The following ZNF804B variants were observed in gnomAD, a reference collection of about 807,000 sequenced individuals.
ZNF804B encodes the protein zinc finger 804B.
ZNF804B carries 80 observed loss-of-function variants against 101.4 expected under a neutral mutation model. The ratio of observed to expected loss-of-function variants is 0.79; its 90% CI spans 0.66 to 0.95. The LOEUF is 0.95. Among genes scored for constraint, ZNF804B ranks in the 40% least tolerant of loss-of-function variants. The pLI is 0.00. For synonymous variants in ZNF804B, 622 were observed against 558.8 expected (o/e 1.11, Z -1.59); for missense variants, 1,673 against 1,561.9 (o/e 1.07, Z -1.20).
chr7:89,059,448 GA>G (rs1789343206), intron 1 of ZNF804B, among the ~76,000 whole-genome samples: 1 of 152,050 alleles, frequency 6.6e-6, no homozygotes. Flanking sequence ...GCCAGAGAGA[GA>G]AAAGGAGGAG....
chr7:89,034,974 T>C (rs1788903070), intron 1 of ZNF804B, among the ~76,000 whole-genome samples: 1 of 152,168 alleles, frequency 6.6e-6, no homozygotes, highest in Non-Finnish European at 1.5e-5. Flanking sequence ...CTAAGATCTA[T>C]TGAGGAAACT....
chr7:89,000,337 T>A lies in ZNF804B; in HGVS notation c.109-217818T>A, dbSNP rs987281251. Among the ~76,000 whole-genome samples the A allele has an allele frequency of 7.2e-5, 11 of 152,010 alleles. No homozygotes were observed. In the Admixed American group the frequency reaches 7.2e-4, roughly 10 times the overall value. Reference sequence around the variant, plus strand: ...TTTATAATTATGACTGATTCACATATAATCTGCAGCAATAACAAATCATTA... The same window carrying A: ...TTTATAATTATGACTGATTCACATAAAATCTGCAGCAATAACAAATCATTA... On this transcript the variant is annotated intron_variant, in intron 1 of 3. Transcript: ENST00000333190.
chr7:88,803,712 A>G (rs1043486120), intron 1 of ZNF804B, among the ~76,000 whole-genome samples: 1 of 151,558 alleles, frequency 6.6e-6, no homozygotes, highest in African/African-American at 2.4e-5. Context: ...ATTATCTTGA[A>G]GTGGAGTGGC....
chr7:88,980,071 T>C (rs1369950395), intron 1 of ZNF804B, among the ~76,000 whole-genome samples: 1 of 151,912 alleles, frequency 6.6e-6, no homozygotes, highest in Non-Finnish European at 1.5e-5. Flanking sequence ...GATTCTTTTT[T>C]TTTTATTATT....
At position 89,177,504 on chromosome 7, in the gene ZNF804B, T is replaced by C. The variant is rs370630798; in HGVS notation, c.109-40651T>C. ...GATGTGATTTCCATTTTTTCGAATG[T>C]TTTAATGCTCGTTTTGTGGCCAAAT... is the stretch of plus-strand genomic sequence containing the variant. On this transcript the variant is annotated intron_variant, in intron 1 of 3. Transcript: ENST00000333190. Among the ~76,000 whole-genome samples, 19 of 152,320 alleles carry C rather than the reference T, an allele frequency of 1.2e-4. No homozygotes were observed. The East Asian group carries it at 3.1e-3, about 25-fold the overall frequency.
chr7:88,967,718 A>C (rs1377078258), intron 1 of ZNF804B, among the ~76,000 whole-genome samples: 7 of 16,912 alleles, frequency 4.1e-4, no homozygotes, highest in African/African-American at 3.6e-3. Flanking sequence ...TGAAAAAGCA[A>C]AAAAAAAAAA....
At chr7:88,922,776 G>A (rs928571271) in intron 1 of ZNF804B, among the ~76,000 whole-genome samples, 1 of 151,724 alleles carries the variant, frequency 6.6e-6, no homozygotes, top group Non-Finnish European at 1.5e-5. Context: ...TAATTAAAAA[G>A]GCCAACATGA....
chr7:88,841,276 C>A (rs2115805293), intron 1 of ZNF804B, among the ~76,000 whole-genome samples: 1 of 152,276 alleles, frequency 6.6e-6, no homozygotes, highest in East Asian at 1.9e-4. Context: ...AGAGTGGGAG[C>A]TATTCATGCC....
Position 89,335,208 on chromosome 7 carries a change from C to G in ZNF804B, c.2226C>G (p.Phe742Leu). Reference sequence around the variant, plus strand: ...ATAGCAGAGGTAATTTGCTCTGCTTCCATAAAAGAGAACACCACTCAGTTG... The same window carrying G: ...ATAGCAGAGGTAATTTGCTCTGCTTGCATAAAAGAGAACACCACTCAGTTG... Reference protein sequence around the residue: ...NGNSRGNLLCFHKREHHSVER... With the variant: ...NGNSRGNLLCLHKREHHSVER... The change falls in exon 4 of 4, where the codon TTC becomes TTG. Residue 742 changes from phenylalanine to leucine, a missense_variant. Physicochemically the swap from Phe to Leu is conservative, Grantham distance 22. Coordinates refer to ENST00000333190, the MANE Select transcript of ZNF804B (RefSeq NM_181646.5). 6.2e-7 allele frequency: 1 copy of G among 1,613,780 alleles called. No individual in the cohort carries two copies. Among genetic ancestry groups the G allele is most frequent in the African/African-American group, 1.3e-5 (1 of 74,978 alleles).
At chr7:89,058,366 A>C (rs1336302111) in intron 1 of ZNF804B, among the ~76,000 whole-genome samples, 1 of 151,486 alleles carries the variant, frequency 6.6e-6, no homozygotes, top group Non-Finnish European at 1.5e-5. Context: ...CACAAGCTTG[A>C]GAAAGATATT....
chr7:88,875,227 C>T (rs574389431), intron 1 of ZNF804B, among the ~76,000 whole-genome samples: 1 of 148,402 alleles, frequency 6.7e-6, no homozygotes, highest in African/African-American at 2.5e-5. Context: ...AAAATTGACA[C>T]CCTAATATCA....
intron 1 of ZNF804B, among the ~76,000 whole-genome samples, chr7:89,121,520 A>G (rs1485458097): frequency 2.6e-5 from 4 of 152,234 alleles, no homozygotes. Context: ...CCAGAAAAAT[A>G]CCTACAATAA....
At chr7:89,333,223 G>T in intron 3 of ZNF804B, 140 bp from the exon 4 acceptor site, 1 of 828,308 alleles carries the variant, frequency 1.2e-6, no homozygotes, top group South Asian at 2.3e-5. Context: ...GCTATATAAG[G>T]ACAACAAAAG....
chr7:88,902,220 A>G (rs1037193326), intron 1 of ZNF804B, among the ~76,000 whole-genome samples: 6 of 151,908 alleles, frequency 3.9e-5, no homozygotes, highest in South Asian at 2.1e-4. Flanking sequence ...ATACATGACT[A>G]TTAGAATCAA....
intron 1 of ZNF804B, among the ~76,000 whole-genome samples, chr7:89,069,841 A>C (rs529892779): frequency 6.6e-5 from 10 of 152,318 alleles, no homozygotes; most frequent in African/African-American, 2.2e-4. Flanking sequence ...ATTTCTTTTT[A>C]AAATATTTCA....
chr7:89,249,883 T>G (rs1289843620), intron 2 of ZNF804B, among the ~76,000 whole-genome samples: 1 of 152,126 alleles, frequency 6.6e-6, no homozygotes, highest in Non-Finnish European at 1.5e-5. Flanking sequence ...ATTGATAGAC[T>G]GCTAACTAGA....
At chr7:88,799,988 T>C (rs78286775) in intron 1 of ZNF804B, among the ~76,000 whole-genome samples, 1 of 152,188 alleles carries the variant, frequency 6.6e-6, no homozygotes, top group Non-Finnish European at 1.5e-5. Flanking sequence ...TTACTAAACT[T>C]GATTTCCATC....
At chr7:89,013,457 C>G (rs1296827203) in intron 1 of ZNF804B, among the ~76,000 whole-genome samples, 1 of 152,060 alleles carries the variant, frequency 6.6e-6, no homozygotes, top group Non-Finnish European at 1.5e-5. Context: ...GTAGAACATA[C>G]CTTCCTTTCT....
At chr7:88,863,439 A>G (rs1259473813) in intron 1 of ZNF804B, among the ~76,000 whole-genome samples, 1 of 152,172 alleles carries the variant, frequency 6.6e-6, no homozygotes, top group African/African-American at 2.4e-5. Flanking sequence ...AACATTTACT[A>G]TGTTCCAGAC....
Sources: allele counts gnomAD v4.1 joint callset (sites outside exome capture counted in the v4.1 genomes callset), GRCh38; gene constraint gnomAD v4.1.1; transcripts MANE v1.5; gene names NCBI Gene and HGNC (gene_info 2026-07-23, HGNC 2026-07-21).